FYB2: variants seen among roughly 807,000 people sequenced by gnomAD.
FYB2 encodes FYN-binding protein 2.
Under a neutral mutation model 94.1 loss-of-function variants are expected in FYB2, and 103 were observed. That is an observed-to-expected ratio of 1.09 (90% CI 0.93 to 1.29). The LOEUF (loss-of-function observed/expected upper bound fraction) is 1.29. FYB2 is among the 50% of genes most tolerant of loss of function. The pLI is 0.00. For synonymous variants in FYB2, 293 were observed against 287.9 expected (o/e 1.02, Z -0.18); for missense variants, 896 against 841.5 (o/e 1.06, Z -0.80).
chr1:56,779,697 C>T (rs964120783), intron 4 of FYB2, among the ~76,000 whole-genome samples: 1 of 152,178 alleles, frequency 6.6e-6, no homozygotes, highest in Non-Finnish European at 1.5e-5. Flanking sequence ...GCCCATCACT[C>T]AGTCATTCGA....
intron 4 of FYB2, among the ~76,000 whole-genome samples, chr1:56,782,174 G>T (rs1646023915): frequency 6.6e-6 from 1 of 151,870 alleles, no homozygotes; most frequent in Non-Finnish European, 1.5e-5. Flanking sequence ...GTTAATTATT[G>T]TCACTCTACT....
chr1:56,720,216 G>A lies in FYB2; in HGVS notation c.2088C>T (p.Thr696=). 6.2e-7 allele frequency: 1 copy of A among 1,611,288 alleles called. No individual in the cohort carries two copies. Among genetic ancestry groups the A allele is most frequent in the Non-Finnish European group, 8.5e-7 (1 of 1,178,702 alleles). The part of the protein sequence containing the change: ...SPGEELEVID[T]TEQNLVICRN... Reference sequence around the variant, plus strand: ...GACATATCACTAGATTTTGTTCGGTGGTATCAATGACTTCCAATTCTTCTC... The same window carrying A: ...GACATATCACTAGATTTTGTTCGGTAGTATCAATGACTTCCAATTCTTCTC... The change falls in exon 18 of 20, where the codon ACC becomes ACT. Residue 696 remains threonine, a synonymous_variant. Coordinates refer to ENST00000343433, the MANE Select transcript of FYB2 (RefSeq NM_001004303.5).
upstream of FYB2, chr1:56,819,605 C>T (rs1472780357): frequency 1.9e-5 from 10 of 519,432 alleles, no homozygotes; most frequent in South Asian, 8.8e-5. Flanking sequence ...TGCTCCCCTC[C>T]GGCTGGTCTG....
At position 56,786,774 on chromosome 1, in the gene FYB2, C is replaced by G. The variant is rs570336075; in HGVS notation, c.953+401G>C. 3.2e-4 allele frequency among the ~76,000 whole-genome samples: 49 copies of G among 152,294 alleles called. 1 individual carries two copies. In the South Asian group the frequency reaches 4.6e-3, roughly 14 times the overall value. ...GTTAAGTGAGTTAAATGAACTGACA[C>G]TTCTGTGGCAAAATTCTTAGAAGGA... On this transcript the variant is annotated intron_variant, in intron 4 of 19. Transcript: ENST00000343433.
chr1:56,825,368 A>G, the FYB2 span, among the ~76,000 whole-genome samples: 5 of 152,152 alleles, frequency 3.3e-5, no homozygotes, highest in Non-Finnish European at 5.9e-5. Context: ...AGAACCTGGA[A>G]GCTCCACGCT....
chr1:56,802,832 T>C (rs1646553001), intron 1 of FYB2, among the ~76,000 whole-genome samples: 1 of 152,226 alleles, frequency 6.6e-6, no homozygotes, highest in Non-Finnish European at 1.5e-5. Flanking sequence ...ATGAAGGCCT[T>C]TCTGTCCATC....
In FYB2 at chr1:56,744,171, C is replaced by T. The variant is rs1645020113; in HGVS notation, c.1483G>A (p.Glu495Lys). The change falls in exon 10 of 20, where the codon GAG becomes AAG. Residue 495 changes from glutamate (E) to lysine (K), a missense_variant. Transcript: ENST00000343433. ...ACTTACACCTCTTTCCTGGAGTACT[C>T]GACATCATCATATATCTCCTCCGAG... ...SISEEIYDDVEYSRKEVPKLN... is the reference protein window; with the variant it reads ...SISEEIYDDVKYSRKEVPKLN... 1.9e-6 allele frequency: 3 copies of T among 1,612,550 alleles called. No homozygotes were observed. Among genetic ancestry groups the T allele is most frequent in the African/African-American group, 1.3e-5 (1 of 74,846 alleles).
At chr1:56,741,694 G>C (rs1279114864) in intron 12 of FYB2, among the ~76,000 whole-genome samples, 1 of 151,670 alleles carries the variant, frequency 6.6e-6, no homozygotes, top group Non-Finnish European at 1.5e-5. Flanking sequence ...TTTTATTCTT[G>C]ATAACACTGA....
At chr1:56,811,735 GA>G (rs1646771320) in intron 1 of FYB2, among the ~76,000 whole-genome samples, 1 of 151,370 alleles carries the variant, frequency 6.6e-6, no homozygotes. Context: ...ACAACTTGGA[GA>G]AAAGGTTGTT....
intron 1 of FYB2, among the ~76,000 whole-genome samples, chr1:56,796,300 CATGAGGAAA>C (rs1226827726): frequency 2.0e-5 from 3 of 152,128 alleles, no homozygotes; most frequent in Non-Finnish European, 4.4e-5. Flanking sequence ...GGTTTGAGGA[CATGAGGAAA>C]ACTGCATGAA....
intron 5 of FYB2, among the ~76,000 whole-genome samples, chr1:56,767,132 T>C (rs857093): frequency 0.33 from 50,183 of 152,058 alleles, 8,996 homozygotes; most frequent in African/African-American, 0.46. Flanking sequence ...TATCCTATAG[T>C]ACAAGCTCAC....
At chr1:56,771,662 G>A (rs1219478952) in intron 4 of FYB2, among the ~76,000 whole-genome samples, 1 of 152,128 alleles carries the variant, frequency 6.6e-6, no homozygotes, top group Non-Finnish European at 1.5e-5. Flanking sequence ...AGCGACTTCA[G>A]CTGCATCACA....
chr1:56,767,995 T>C, intron 4 of FYB2, 57 bp from the exon 5 acceptor site: 1 of 1,331,562 alleles, frequency 7.5e-7, no homozygotes, highest in Non-Finnish European at 1.1e-6. Context: ...TTTTGAAAGC[T>C]TTTTGTATTT....
chr1:56,753,835 G>T lies in FYB2; in HGVS notation c.1227+4C>A, dbSNP rs1415518510. The T allele has an allele frequency of 6.3e-7, 1 of 1,593,110 alleles. No individual in the cohort carries two copies. ...AAACTGCAGGAACCGTAGAACATAG[G>T]TACCTTGAAAACATGGTTTGAATAT... On this transcript the variant is annotated splice_donor_region_variant and intron_variant, in intron 8 of 19. Coordinates refer to ENST00000343433, the MANE Select transcript of FYB2 (RefSeq NM_001004303.5).
chr1:56,724,497 A>G (rs1033520560), intron 16 of FYB2, among the ~76,000 whole-genome samples: 4 of 152,020 alleles, frequency 2.6e-5, no homozygotes, highest in African/African-American at 7.2e-5. Flanking sequence ...AGCCACTGCC[A>G]TATTTCAGAT....
Position 56,792,781 on chromosome 1 carries a change from T to C in FYB2, c.32A>G (p.Glu11Gly). The C allele has an allele frequency of 6.2e-7, 1 of 1,612,504 alleles. No homozygotes were observed. The highest frequency in any genetic ancestry group is 1.1e-5 in the South Asian group (1 of 91,020). The change falls in exon 2 of 20, where the codon GAA (glutamate) becomes GGA (glycine). Residue 11 changes from glutamate (E) to glycine (G), a missense_variant. Coordinates refer to ENST00000343433, the MANE Select transcript of FYB2 (RefSeq NM_001004303.5). The stretch of plus-strand genomic sequence containing the variant: ...AAGATTTTGAAATTTGGCTCGAAGT[T>C]CCTTGAAGTTTCTTACCCCTTCCTA... The part of the protein sequence containing the change: MEGEGVRNFK[E>G]LRAKFQNLDA...
At chr1:56,721,993 T>C (rs1346411523) in intron 17 of FYB2, among the ~76,000 whole-genome samples, 1 of 152,014 alleles carries the variant, frequency 6.6e-6, no homozygotes, top group Admixed American at 6.6e-5. Flanking sequence ...GGAAACCCAC[T>C]ACAGGTAATA....
intron 19 of FYB2, 144 bp from the exon 20 acceptor site, chr1:56,719,836 TA>T: frequency 9.7e-7 from 1 of 1,027,714 alleles, no homozygotes; most frequent in Non-Finnish European, 1.4e-6. Context: ...AGAAGTTTGA[TA>T]GCATACTCAG....
At position 56,720,242 on chromosome 1, in the gene FYB2, C is replaced by T. The variant is rs1156251576; in HGVS notation, c.2062G>A (p.Gly688Arg). Residue 688 changes from glycine (G) to arginine (R), a missense_variant, in exon 18 of 20, where the codon GGA becomes AGA. Physicochemically the swap from Gly to Arg is moderately radical, Grantham distance 125 (BLOSUM62 -2). Transcript: ENST00000343433. ...NGIFDLPISP[G>R]EELEVIDTTE... ...GTATCAATGACTTCCAATTCTTCTCCAGGACTTATTGGCAAATCAAATATT... is the reference window on the plus strand; with the variant it reads ...GTATCAATGACTTCCAATTCTTCTCTAGGACTTATTGGCAAATCAAATATT... 1 of 1,612,146 alleles carries T rather than the reference C, an allele frequency of 6.2e-7. No individual in the cohort carries two copies. Among genetic ancestry groups the T allele is most frequent in the Admixed American group, 1.7e-5 (1 of 59,852 alleles).
Sources: gnomAD v4.1 joint callset for allele counts (sites outside exome capture counted in the v4.1 genomes callset) on GRCh38, gnomAD v4.1.1 for gene constraint, MANE v1.5 for transcripts, NCBI Gene and HGNC (gene_info 2026-07-23, HGNC 2026-07-21) for gene names.